BCAS3: variants seen among roughly 807,000 people sequenced by gnomAD.
BCAS3 encodes BCAS4/BCAS3 fusion.
In BCAS3, 53 loss-of-function variants were observed where a neutral mutation model predicts 116.1. That is an observed-to-expected ratio of 0.46 (90% CI 0.37 to 0.57). The LOEUF (loss-of-function observed/expected upper bound fraction) is 0.57, where lower values mean the gene tolerates loss of function less well. Among genes scored for constraint, BCAS3 ranks in the 20% least tolerant of loss-of-function variants. The probability of loss-of-function intolerance (pLI) is 0.00; values close to 1 mark genes in which losing one functional copy is unlikely to be tolerated. For synonymous variants in BCAS3, 391 were observed against 408.2 expected (o/e 0.96, Z 0.51); for missense variants, 917 against 1,165.4 (o/e 0.79, Z 3.10).
Position 61,380,141 on chromosome 17 carries a change from CAGACCTGGTTTCT to C in BCAS3, c.2593+11649_2593+11661del. On this transcript the variant is annotated intron_variant, in intron 23 of 23. Coordinates refer to ENST00000407086, the MANE Select transcript of BCAS3 (RefSeq NM_017679.5). This position sits in a 1 kb window ranked among gnomAD's most constrained non-coding sequence, Gnocchi z 4.2. ...CACACTGCCATGCAGCTTTGAACTT[CAGACCTGGTTTCT>C]AAATCCACGGAAGCTGAGAGGAGGA... is the stretch of plus-strand genomic sequence containing the variant. 3.7e-6 allele frequency: 1 copy of C among 268,802 alleles called. No homozygotes were observed. Among genetic ancestry groups the C allele is most frequent in the Non-Finnish European group, 7.2e-6 (1 of 137,996 alleles). The allele number at this position is 268,802 out of a possible 1,614,324, so 16.7% of individuals were successfully genotyped here.
rs188987458 is a variant in BCAS3 at position 60,952,581 on chromosome 17, A to G, written c.1221+5229A>G. Reference sequence around the variant, plus strand: ...GTGATCCACCCATCTTGGCCTCCCAAAGTGCTGGGATTACAGGTGTGAGCC... The same window carrying G: ...GTGATCCACCCATCTTGGCCTCCCAGAGTGCTGGGATTACAGGTGTGAGCC... On this transcript the variant is annotated intron_variant, in intron 14 of 23. Transcript: ENST00000407086. Among the ~76,000 whole-genome samples the G allele has an allele frequency of 7.1e-3, 1,079 of 152,218 alleles. 8 individuals carry two copies. The highest frequency in any genetic ancestry group is 0.01 in the Non-Finnish European group (700 of 67,998).
intron 19 of BCAS3, among the ~76,000 whole-genome samples, chr17:61,046,000 TAA>T (rs1491460508): frequency 9.7e-5 from 1 of 10,294 alleles, no homozygotes; most frequent in Non-Finnish European, 1.4e-4. Context: ...TATATATATA[TAA>T]TATATATATT....
intron 6 of BCAS3, among the ~76,000 whole-genome samples, chr17:60,770,134 G>A (rs1475519219): frequency 6.6e-6 from 1 of 152,106 alleles, no homozygotes; most frequent in Non-Finnish European, 1.5e-5. Context: ...GCCTGTGGGA[G>A]TTCAAGTTCT....
intron 6 of BCAS3, among the ~76,000 whole-genome samples, chr17:60,769,394 C>A (rs1267948680): frequency 1.3e-5 from 2 of 152,314 alleles, no homozygotes; most frequent in East Asian, 3.9e-4. Context: ...TCTGGTCATA[C>A]AACAGCCTGC....
intron 7 of BCAS3, among the ~76,000 whole-genome samples, chr17:60,852,528 TA>T (rs2053268498): frequency 6.6e-6 from 1 of 152,300 alleles, no homozygotes; most frequent in Admixed American, 6.5e-5. Flanking sequence ...GGAATAACTT[TA>T]AAAAAGAATT....
intron 4 of BCAS3, among the ~76,000 whole-genome samples, chr17:60,694,108 G>A (rs941841383): frequency 6.6e-6 from 1 of 151,082 alleles, no homozygotes; most frequent in Non-Finnish European, 1.5e-5. Flanking sequence ...GGATGGTCTC[G>A]ATCTCCTGAC....
rs948225237 is a variant in BCAS3, at chr17:61,281,645, C to G, written c.2426-86682C>G. ...GTTCTTTCATTGTTCATGGTCTTTA[C>G]CCATCTTTATACTGGGTTTTTTATC... On this transcript the variant is annotated intron_variant, in intron 22 of 23. Coordinates refer to ENST00000407086, the MANE Select transcript of BCAS3 (RefSeq NM_017679.5). The surrounding 1 kb of genome is among the most constrained non-coding windows in gnomAD (Gnocchi z 4.2). Among the ~76,000 whole-genome samples, 15 of 152,198 alleles carry G rather than the reference C, an allele frequency of 9.9e-5. No individual in the cohort carries two copies. Among genetic ancestry groups the G allele is most frequent in the South Asian group, 4.1e-4 (2 of 4,826 alleles).
At chr17:61,175,690 G>A (rs11079420) in intron 22 of BCAS3, among the ~76,000 whole-genome samples, 98,911 of 152,066 alleles carry the variant, frequency 0.65, 35,330 homozygotes, top group South Asian at 0.86. Flanking sequence ...ACAATACACT[G>A]TGGTTCACTG....
intron 8 of BCAS3, among the ~76,000 whole-genome samples, chr17:60,872,441 A>G (rs2144905199): frequency 6.6e-6 from 1 of 151,546 alleles, no homozygotes; most frequent in East Asian, 1.9e-4. Context: ...ATCTGTATGT[A>G]TATATACACA....
chr17:60,934,555 A>G (rs1468232581), intron 13 of BCAS3, among the ~76,000 whole-genome samples: 1 of 152,230 alleles, frequency 6.6e-6, no homozygotes, highest in Non-Finnish European at 1.5e-5. Context: ...TTCATTTATC[A>G]GTATACCCTT....
At position 61,334,120 on chromosome 17, in the gene BCAS3, G is replaced by A. The variant is rs112142279; in HGVS notation, c.2426-34207G>A. 8.1e-3 allele frequency among the ~76,000 whole-genome samples: 1,236 copies of A among 152,312 alleles called. 14 individuals are homozygous for A. The highest frequency in any genetic ancestry group is 0.027 in the African/African-American group (1,107 of 41,552). ...ACAGCCTAGCAAGGGAGACAGATAT[G>A]TAGACAGATGATCATGATACAGTAG... On this transcript the variant is annotated intron_variant, in intron 22 of 23. Transcript: ENST00000407086.
rs1304723037 is a variant in BCAS3, at chr17:60,709,207, A to T, written c.215-12A>T. 7.3e-7 allele frequency: 1 copy of T among 1,363,918 alleles called. No individual in the cohort carries two copies. Among genetic ancestry groups the T allele is most frequent in the African/African-American group, 1.4e-5 (1 of 71,472 alleles). 84.5% of individuals were successfully genotyped at this position (1,363,918 alleles called of 1,614,324 possible). A position where few individuals can be genotyped will look rare whatever the true frequency, so the allele number is the denominator to read the frequency against. The stretch of plus-strand genomic sequence containing the variant: ...TTTAAATTTGCTTCTTTGTTACTTA[A>T]TTCTAATGCAGATACATCAAGAAAT... On this transcript the variant is annotated splice_polypyrimidine_tract_variant and intron_variant, in intron 4 of 23. Coordinates refer to ENST00000407086, the MANE Select transcript of BCAS3 (RefSeq NM_017679.5).
chr17:61,117,971 G>A (rs1204282721), intron 22 of BCAS3, among the ~76,000 whole-genome samples: 1 of 152,034 alleles, frequency 6.6e-6, no homozygotes, highest in Non-Finnish European at 1.5e-5. Context: ...TGCTTTGAAA[G>A]TCTTTGTCAG....
At chr17:61,177,003 C>T (rs1353617299) in intron 22 of BCAS3, among the ~76,000 whole-genome samples, 2 of 152,114 alleles carry the variant, frequency 1.3e-5, no homozygotes, top group Non-Finnish European at 2.9e-5. Flanking sequence ...AAATGAGATC[C>T]CACTACCTGC....
intron 19 of BCAS3, among the ~76,000 whole-genome samples, chr17:61,052,363 T>C (rs1228927656): frequency 1.3e-5 from 2 of 152,216 alleles, no homozygotes; most frequent in African/African-American, 2.4e-5. Context: ...TTTTTATCTC[T>C]TGAAGTTCCA....
chr17:61,388,752 G>A lies in BCAS3; in HGVS notation c.2594-3225G>A. 1 of 1,519,434 alleles carries A rather than the reference G, an allele frequency of 6.6e-7. No homozygotes were observed. The highest frequency in any genetic ancestry group is 1.7e-4 in the Middle Eastern group (1 of 5,890). The allele number at this position is 1,519,434 out of a possible 1,614,324, so 94.1% of individuals were successfully genotyped here. A position where few individuals can be genotyped will look rare whatever the true frequency, so the allele number is the denominator to read the frequency against. On this transcript the variant is annotated intron_variant, in intron 23 of 23. Transcript: ENST00000407086. This position sits in a 1 kb window ranked among gnomAD's most constrained non-coding sequence, Gnocchi z 6.5. ...ATTTGCCGCTTGCTCGTAGGGCTGGGCGGCCGGGATGACTTGGAGGGGGGA... is the reference window on the plus strand; with the variant it reads ...ATTTGCCGCTTGCTCGTAGGGCTGGACGGCCGGGATGACTTGGAGGGGGGA...
chr17:61,118,723 T>A lies in BCAS3; in HGVS notation c.2425+34159T>A, dbSNP rs1230080891. 6.6e-6 allele frequency among the ~76,000 whole-genome samples: 1 copy of A among 152,180 alleles called. No individual in the cohort carries two copies. Among genetic ancestry groups the A allele is most frequent in the African/African-American group, 2.4e-5 (1 of 41,434 alleles). ...TGCTAGGCTACACATTCCTGTTTTT[T>A]TTGGCAAGAGAGAGCAGCCTTTTGT... is the stretch of plus-strand genomic sequence containing the variant. On this transcript the variant is annotated intron_variant, in intron 22 of 23. Coordinates refer to ENST00000407086, the MANE Select transcript of BCAS3 (RefSeq NM_017679.5). This position sits in a 1 kb window ranked among gnomAD's most constrained non-coding sequence, Gnocchi z 5.0.
At chr17:60,858,289 C>A (rs758098051) in intron 7 of BCAS3, among the ~76,000 whole-genome samples, 5 of 152,096 alleles carry the variant, frequency 3.3e-5, no homozygotes, top group Non-Finnish European at 7.4e-5. Flanking sequence ...TTCTGTCACA[C>A]CAAAAGTTTC....
At chr17:61,212,322 C>T (rs943800314) in intron 22 of BCAS3, among the ~76,000 whole-genome samples, 9 of 152,236 alleles carry the variant, frequency 5.9e-5, no homozygotes, top group African/African-American at 2.2e-4. Flanking sequence ...ACTGCAGCCT[C>T]GAACTCCTGG....
Sources: allele counts gnomAD v4.1 joint callset (sites outside exome capture counted in the v4.1 genomes callset), GRCh38; gene constraint gnomAD v4.1.1; non-coding constraint Gnocchi (gnomAD v3.1); transcripts MANE v1.5; gene names NCBI Gene and HGNC (gene_info 2026-07-23, HGNC 2026-07-21).